Variants in ACOXL observed in about 807,000 individuals in gnomAD.
ACOXL encodes acyl-coenzyme A oxidase-like protein.
In ACOXL, 70 loss-of-function variants were observed where a neutral mutation model predicts 71.9. The ratio of observed to expected loss-of-function variants is 0.97; its 90% CI spans 0.80 to 1.19. The LOEUF (loss-of-function observed/expected upper bound fraction) is 1.19. ACOXL is among the 50% of genes most tolerant of loss of function. The pLI, the probability that ACOXL is intolerant of heterozygous loss-of-function variation, is 0.00. For synonymous variants in ACOXL, 253 were observed against 281.6 expected (o/e 0.90, Z 1.02); for missense variants, 703 against 736.3 (o/e 0.95, Z 0.52).
chr2:110,953,866 C>T (rs1002623264), intron 12 of ACOXL, among the ~76,000 whole-genome samples: 3 of 152,076 alleles, frequency 2.0e-5, no homozygotes, highest in Admixed American at 6.5e-5. Context: ...TTTAAATGAT[C>T]AGATCTCGTG....
In ACOXL at chr2:110,842,451, A is replaced by G. The variant is rs76248617; in HGVS notation, c.788+1046A>G. Among the ~76,000 whole-genome samples the G allele has an allele frequency of 6.8e-4, 103 of 152,366 alleles. 1 individual carries two copies. The East Asian group carries it at 0.019, about 28-fold the overall frequency. ...TCTCCATACAAAAGACAGATTAACT[A>G]GAGAAAGCATGCACATTTATTTAAT... On this transcript the variant is annotated intron_variant, in intron 10 of 17. Coordinates refer to ENST00000439055, the MANE Select transcript of ACOXL (RefSeq NM_001142807.4).
intron 12 of ACOXL, among the ~76,000 whole-genome samples, chr2:110,947,802 G>GGAACTCA (rs1457006729): frequency 4.6e-5 from 7 of 152,194 alleles, no homozygotes; most frequent in African/African-American, 1.7e-4. Context: ...TGGGAGAGCT[G>GGAACTCA]GAACTCAAGC....
At position 111,117,922 on chromosome 2, in the gene ACOXL, C is replaced by T. The variant is rs2070471794; in HGVS notation, c.*106C>T. ...CCGGGGGCTGGCACCCGCTGGGCCG[C>T]CACTCTCGGGGATTTTGGTGGCAAA... On this transcript the variant is annotated 3_prime_UTR_variant, in exon 18 of 18. Transcript: ENST00000439055. 1 of 1,321,392 alleles carries T rather than the reference C, an allele frequency of 7.6e-7. No individual in the cohort carries two copies. The highest frequency in any genetic ancestry group is 1.5e-5 in the South Asian group (1 of 67,278). The allele number at this position is 1,321,392 out of a possible 1,614,324, so 81.9% of individuals were successfully genotyped here.
At chr2:110,867,454 T>G (rs1694747461) in intron 10 of ACOXL, among the ~76,000 whole-genome samples, 1 of 152,220 alleles carries the variant, frequency 6.6e-6, no homozygotes, top group African/African-American at 2.4e-5. Context: ...TCTTCCAGAC[T>G]CTGAAAGTCA....
chr2:110,745,243 C>T (rs938177421), intron 1 of ACOXL, among the ~76,000 whole-genome samples: 28 of 152,334 alleles, frequency 1.8e-4, no homozygotes, highest in African/African-American at 6.7e-4. Context: ...CTGTCCACCT[C>T]GTGGCCTTCA....
chr2:111,057,434 A>G (rs2066599413), intron 16 of ACOXL, among the ~76,000 whole-genome samples: 1 of 152,186 alleles, frequency 6.6e-6, no homozygotes, highest in Non-Finnish European at 1.5e-5. Context: ...GGCTCGGAAG[A>G]CTTTACGGGC....
intron 14 of ACOXL, among the ~76,000 whole-genome samples, chr2:111,029,501 C>T (rs1221269465): frequency 2.0e-5 from 3 of 152,208 alleles, no homozygotes; most frequent in Non-Finnish European, 2.9e-5. Context: ...CTATACTGCT[C>T]CTAGGTCAGC....
At chr2:110,800,116 T>G (rs978213278) in intron 7 of ACOXL, among the ~76,000 whole-genome samples, 1 of 152,208 alleles carries the variant, frequency 6.6e-6, no homozygotes, top group African/African-American at 2.4e-5. Flanking sequence ...CTGTGGAAGC[T>G]TTGTTCTTTC....
intron 12 of ACOXL, among the ~76,000 whole-genome samples, chr2:110,981,865 C>T (rs1304535360): frequency 6.6e-6 from 1 of 152,116 alleles, no homozygotes; most frequent in African/African-American, 2.4e-5. Context: ...TTTTAATGTT[C>T]CCTATACTCA....
At chr2:110,769,220 C>T (rs1321208269) in intron 2 of ACOXL, among the ~76,000 whole-genome samples, 3 of 138,420 alleles carry the variant, frequency 2.2e-5, no homozygotes, top group Non-Finnish European at 4.6e-5. Context: ...AATTTAGCCT[C>T]ATGAAAAAAG....
intron 10 of ACOXL, among the ~76,000 whole-genome samples, chr2:110,892,575 AC>A (rs1001870638): frequency 3.4e-4 from 52 of 152,230 alleles, no homozygotes; most frequent in African/African-American, 1.2e-3. Context: ...ATTATAATAG[AC>A]CCACCCCAGG....
chr2:110,809,404 T>C (rs1458127482), intron 9 of ACOXL, among the ~76,000 whole-genome samples: 1 of 152,172 alleles, frequency 6.6e-6, no homozygotes. Flanking sequence ...TGGGCTGTTT[T>C]TTCAGGCACG....
intron 5 of ACOXL, among the ~76,000 whole-genome samples, chr2:110,797,849 G>A (rs1685460801): frequency 6.6e-6 from 1 of 152,198 alleles, no homozygotes; most frequent in Non-Finnish European, 1.5e-5. Flanking sequence ...GCTTTTAGAG[G>A]TTTTGGTGTT....
At chr2:110,901,617 T>C (rs922789088) in intron 10 of ACOXL, among the ~76,000 whole-genome samples, 2 of 151,056 alleles carry the variant, frequency 1.3e-5, no homozygotes, top group Non-Finnish European at 2.9e-5. Context: ...TCAAGTCTAC[T>C]ATCAAAGAAG....
intron 15 of ACOXL, among the ~76,000 whole-genome samples, chr2:111,046,536 C>T (rs560874869): frequency 3.3e-5 from 5 of 152,266 alleles, no homozygotes; most frequent in South Asian, 2.1e-4. Context: ...GAAGCAAACA[C>T]GTCCTTCTTC....
rs569949190 is a variant in ACOXL at position 110,971,036 on chromosome 2, A to G, written c.1060-16072A>G. 2.6e-5 allele frequency among the ~76,000 whole-genome samples: 4 copies of G among 152,342 alleles called. No homozygotes were observed. In the South Asian group the frequency reaches 8.3e-4, roughly 32 times the overall value. ...TGTGAAGAGGATGAAAAGATAAGCT[A>G]CAGACAGGGAGAATATATTTTCAAA... On this transcript the variant is annotated intron_variant, in intron 12 of 17. Transcript: ENST00000439055.
chr2:110,972,381 G>T (rs1240772448), intron 12 of ACOXL, among the ~76,000 whole-genome samples: 1 of 152,142 alleles, frequency 6.6e-6, no homozygotes, highest in Non-Finnish European at 1.5e-5. Flanking sequence ...TGACCAATTT[G>T]CTAGACAGAT....
intron 12 of ACOXL, among the ~76,000 whole-genome samples, chr2:110,957,474 A>G (rs1311175604): frequency 6.6e-6 from 1 of 152,110 alleles, no homozygotes; most frequent in Non-Finnish European, 1.5e-5. Flanking sequence ...GGATTACACA[A>G]CAGGAATTTC....
chr2:111,090,692 G>A (rs934812497), intron 16 of ACOXL, among the ~76,000 whole-genome samples: 4 of 152,312 alleles, frequency 2.6e-5, no homozygotes, highest in East Asian at 1.9e-4. Flanking sequence ...TGGGAATGCC[G>A]GCCAGTTAGC....
Sources: gnomAD v4.1 joint callset for allele counts (sites outside exome capture counted in the v4.1 genomes callset) on GRCh38, gnomAD v4.1.1 for gene constraint, MANE v1.5 for transcripts, NCBI Gene and HGNC (gene_info 2026-07-23, HGNC 2026-07-21) for gene names.